NUP98: variants seen among roughly 807,000 people sequenced by gnomAD.
The protein encoded by NUP98 is nucleoporin 98 and 96 precursor.
NUP98 carries 26 observed loss-of-function variants against 191.9 expected under a neutral mutation model. The observed-to-expected ratio is 0.14, with a 90% CI of 0.10 to 0.19. The LOEUF (loss-of-function observed/expected upper bound fraction) is 0.19, where lower values mean the gene tolerates loss of function less well. Ranked by LOEUF, NUP98 falls within the 10% of genes least tolerant of loss-of-function variation. NUP98 has a pLI of 1.00. For missense variants in NUP98, 1,941 were observed against 2,178.8 expected, an observed-to-expected ratio of 0.89 and a Z score of 2.17; for synonymous variants, 808 against 778.4, an observed-to-expected ratio of 1.04 and a Z score of -0.63.
intron 26 of NUP98, among the ~76,000 whole-genome samples, chr11:3,695,060 G>A (rs1423092511): frequency 6.6e-6 from 1 of 152,208 alleles, no homozygotes; most frequent in African/African-American, 2.4e-5. Context: ...CTACTTGGGA[G>A]GCTCAGGTGA....
intron 8 of NUP98, 122 bp from the exon 9 acceptor site, chr11:3,763,161 C>A: frequency 7.4e-6 from 6 of 811,558 alleles, no homozygotes; most frequent in Non-Finnish European, 1.1e-5. Context: ...GGCTAAATAA[C>A]TTATATAGAT....
Position 3,699,368 on chromosome 11 carries a change from A to T in NUP98, c.3743-20T>A. The stretch of plus-strand genomic sequence containing the variant: ...TCACAACTAAGGCAGGAAGAGAAAA[A>T]CAATGTTACGAGACAAAGTCTTACA... On this transcript the variant is annotated intron_variant, in intron 24 of 32. Transcript: ENST00000324932. The T allele has an allele frequency of 6.2e-7, 1 of 1,609,844 alleles. No individual in the cohort carries two copies. Among genetic ancestry groups the T allele is most frequent in the Non-Finnish European group, 8.5e-7 (1 of 1,176,326 alleles).
intron 1 of NUP98, among the ~76,000 whole-genome samples, chr11:3,792,003 C>T (rs1328460919): frequency 3.3e-5 from 5 of 150,818 alleles, no homozygotes; most frequent in Non-Finnish European, 5.9e-5. Context: ...CACGGTGAAA[C>T]CCCATCTCTA....
At position 3,702,280 on chromosome 11, in the gene NUP98, GACACACACACAC is replaced by G. The variant is rs537147629; in HGVS notation, c.3512+171_3512+182del. 9.8e-3 allele frequency among the ~76,000 whole-genome samples: 1,064 copies of G among 108,562 alleles called. 8 individuals carry two copies. The highest frequency in any genetic ancestry group is 0.018 in the Admixed American group (188 of 10,674). The allele number at this position is 108,562 out of a possible 152,430, so 71.2% of individuals were successfully genotyped here. A position where few individuals can be genotyped will look rare whatever the true frequency, so the allele number is the denominator to read the frequency against. On this transcript the variant is annotated intron_variant, in intron 23 of 32. Coordinates refer to ENST00000324932, the MANE Select transcript of NUP98 (RefSeq NM_016320.5). ...CACCGGGGAAACAGAGCAAAACTGA[GACACACACACAC>G]ACACACACACACACACACACACTCT... is the stretch of plus-strand genomic sequence containing the variant.
At chr11:3,757,139 G>GTA (rs34905710) in intron 10 of NUP98, among the ~76,000 whole-genome samples, 82,766 of 147,128 alleles carry the variant, frequency 0.56, 24,045 homozygotes, top group African/African-American at 0.74. Context: ...ATCTATATGT[G>GTA]TATATATATA....
At chr11:3,737,622 G>A (rs533769426) in intron 12 of NUP98, among the ~76,000 whole-genome samples, 6 of 152,174 alleles carry the variant, frequency 3.9e-5, no homozygotes, top group African/African-American at 1.4e-4. Context: ...GCGAGATTCC[G>A]TCTCAAAAAC....
Position 3,675,995 on chromosome 11 carries a change from A to C in NUP98, c.*164T>G. On this transcript the variant is annotated 3_prime_UTR_variant, in exon 33 of 33. Coordinates refer to ENST00000324932, the MANE Select transcript of NUP98 (RefSeq NM_016320.5). ...AAGCCCTTATGCTACGTTCAGTATT[A>C]AGAAAAGCCCTGAACAAGTGGAGGA... 1 of 640,026 alleles carries C rather than the reference A, an allele frequency of 1.6e-6. No individual in the cohort carries two copies. The highest frequency in any genetic ancestry group is 2.7e-6 in the Non-Finnish European group (1 of 366,898). 39.6% of individuals were successfully genotyped at this position (640,026 alleles called of 1,614,324 possible).
intron 26 of NUP98, among the ~76,000 whole-genome samples, chr11:3,694,631 T>G (rs1290840049): frequency 2.6e-5 from 4 of 151,742 alleles, no homozygotes; most frequent in Non-Finnish European, 5.9e-5. Flanking sequence ...TCTCAGCTAC[T>G]CAGGAGGCTG....
intron 1 of NUP98, among the ~76,000 whole-genome samples, chr11:3,789,282 T>A (rs1468607575): frequency 6.6e-6 from 1 of 152,188 alleles, no homozygotes; most frequent in Non-Finnish European, 1.5e-5. Flanking sequence ...AATGGCTAGC[T>A]AGAATGCCAT....
At chr11:3,759,417 T>C (rs1293403471) in intron 10 of NUP98, among the ~76,000 whole-genome samples, 2 of 152,022 alleles carry the variant, frequency 1.3e-5, no homozygotes, top group Non-Finnish European at 2.9e-5. Flanking sequence ...GCCTACATGG[T>C]GAAACCTTGT....
rs531143382 is a variant in NUP98 at position 3,763,144 on chromosome 11, G to C, written c.949-105C>G. 752 of 991,924 alleles carry C rather than the reference G, an allele frequency of 7.6e-4. 7 individuals are homozygous for C. The South Asian group carries it at 0.012, about 15-fold the overall frequency. 61.4% of individuals were successfully genotyped at this position (991,924 alleles called of 1,614,324 possible). A position where few individuals can be genotyped will look rare whatever the true frequency, so the allele number is the denominator to read the frequency against. On this transcript the variant is annotated intron_variant, in intron 8 of 32. Transcript: ENST00000324932. Reference sequence around the variant, plus strand: ...ACCATTTTTTCAAGCTTATATGACAGATATTAGGCTAAATAACTTATATAG... The same window carrying C: ...ACCATTTTTTCAAGCTTATATGACACATATTAGGCTAAATAACTTATATAG...
At chr11:3,731,137 G>A (rs1043532287) in intron 14 of NUP98, among the ~76,000 whole-genome samples, 14 of 152,028 alleles carry the variant, frequency 9.2e-5, no homozygotes, top group Non-Finnish European at 5.9e-5. Flanking sequence ...GATGGCACAC[G>A]CCTGTAATCC....
chr11:3,718,947 C>G (rs1429371369), intron 18 of NUP98, among the ~76,000 whole-genome samples: 1 of 151,916 alleles, frequency 6.6e-6, no homozygotes, highest in African/African-American at 2.4e-5. Flanking sequence ...TGGTGAAACT[C>G]TGTCTCTACT....
intron 10 of NUP98, among the ~76,000 whole-genome samples, chr11:3,759,512 G>A (rs971844831): frequency 2.6e-5 from 4 of 152,008 alleles, no homozygotes; most frequent in Admixed American, 6.6e-5. Context: ...CAGGAGAATC[G>A]CTTGAACCCG....
chr11:3,681,743 T>C (rs796638945), intron 30 of NUP98, among the ~76,000 whole-genome samples: 3 of 152,302 alleles, frequency 2.0e-5, no homozygotes, highest in African/African-American at 7.2e-5. Context: ...TTCAGCATAA[T>C]TCTTAAGGGC....
In NUP98 at chr11:3,686,112, C is replaced by T. The variant is rs764614833; in HGVS notation, c.4537G>A (p.Glu1513Lys). 2.5e-6 allele frequency: 4 copies of T among 1,614,228 alleles called. No individual in the cohort carries two copies. The highest frequency in any genetic ancestry group is 3.4e-6 in the Non-Finnish European group (4 of 1,180,034). ...GTGTAGTTAAGAGCCCTCAGCACTTCCCACAAGTGCCAGCTTAGGCGGTAG... is the reference window on the plus strand; with the variant it reads ...GTGTAGTTAAGAGCCCTCAGCACTTTCCACAAGTGCCAGCTTAGGCGGTAG... ...LDYRLSWHLW[E>K]VLRALNYTHL... Residue 1513 changes from glutamate to lysine, a missense_variant, in exon 29 of 33, where the codon GAA becomes AAA. By Grantham distance (56) the Glu-to-Lys change is moderately conservative. Transcript: ENST00000324932.
chr11:3,680,932 C>T (rs772310685), intron 30 of NUP98, among the ~76,000 whole-genome samples: 1 of 152,152 alleles, frequency 6.6e-6, no homozygotes. Flanking sequence ...GTGATCATGG[C>T]TCACTGCAGC....
chr11:3,722,873 G>A (rs887676946), intron 16 of NUP98, among the ~76,000 whole-genome samples: 4 of 152,068 alleles, frequency 2.6e-5, no homozygotes, highest in African/African-American at 7.2e-5. Flanking sequence ...CAAAGCCAGG[G>A]AAAATATCAG....
At chr11:3,715,654 T>C (rs1306344445) in intron 18 of NUP98, among the ~76,000 whole-genome samples, 1 of 152,154 alleles carries the variant, frequency 6.6e-6, no homozygotes, top group African/African-American at 2.4e-5. Context: ...AGTGGCATGA[T>C]CACAGCTCAC....
Sources: gnomAD v4.1 joint callset for allele counts (sites outside exome capture counted in the v4.1 genomes callset) on GRCh38, gnomAD v4.1.1 for gene constraint, MANE v1.5 for transcripts, NCBI Gene and HGNC (gene_info 2026-07-23, HGNC 2026-07-21) for gene names.